The following COL5A3 variants were observed in gnomAD, a reference collection of about 807,000 sequenced individuals.
COL5A3 encodes collagen alpha-3(V) chain.
In COL5A3, 172 loss-of-function variants were observed where a neutral mutation model predicts 250.0. That is an observed-to-expected ratio of 0.69 (90% CI 0.61 to 0.78). The LOEUF is 0.78. COL5A3 is among the 30% of genes least tolerant of loss of function. The pLI is 0.00. For missense variants in COL5A3, 2,340 were observed against 2,334.4 expected (o/e 1.00, Z -0.05); for synonymous variants, 937 against 900.4 (o/e 1.04, Z -0.73).
At chr19:10,002,676 G>A (rs115807597) in intron 6 of COL5A3, among the ~76,000 whole-genome samples, 3,241 of 151,952 alleles carry the variant, frequency 0.021, 59 homozygotes, top group East Asian at 0.07. Context: ...AACCCCCATC[G>A]GTGACCCCTA....
At chr19:9,988,901 A>G (rs10417972) in intron 27 of COL5A3, among the ~76,000 whole-genome samples, 61,407 of 148,322 alleles carry the variant, frequency 0.41, 14,043 homozygotes, top group African/African-American at 0.6. Context: ...GAGAAAAGAA[A>G]GAAATGTGTT....
chr19:9,986,363 C>T lies in COL5A3; in HGVS notation c.2304G>A (p.Gln768=). The T allele has an allele frequency of 6.2e-7, 1 of 1,604,040 alleles. No individual in the cohort carries two copies. The highest frequency in any genetic ancestry group is 8.5e-7 in the Non-Finnish European group (1 of 1,178,082). The change falls in exon 30 of 67, where the codon CAG becomes CAA. Residue 768 remains glutamine (Q), a synonymous_variant. Transcript: ENST00000264828. ...GEDGPEGPKG[Q]AGQAGEEGPP... is the part of the protein sequence containing the mutation. ...GCCCCTCCTCGCCAGCCTGCCCCGC[C>T]TGCCCCTTCGGCCCCTCAGGACCAT...
At chr19:9,988,273 C>T (rs1468512338) in intron 27 of COL5A3, among the ~76,000 whole-genome samples, 1 of 152,124 alleles carries the variant, frequency 6.6e-6, no homozygotes, top group African/African-American at 2.4e-5. Flanking sequence ...TGTAATTATG[C>T]TTGGCTACAA....
intron 6 of COL5A3, among the ~76,000 whole-genome samples, chr19:10,003,119 C>A (rs866981785): frequency 6.6e-6 from 1 of 152,164 alleles, no homozygotes. Context: ...CAATTAATGA[C>A]TCTCCCAATG....
chr19:9,979,348 T>A lies in COL5A3; in HGVS notation c.2766+16A>T. The A allele has an allele frequency of 6.2e-7, 1 of 1,614,014 alleles. No individual in the cohort carries two copies. The stretch of plus-strand genomic sequence containing the variant: ...ACTGGTACAAAACAAGGGAGGTTTA[T>A]GGAGTCCACTCTGACCTGAGGGCCT... On this transcript the variant is annotated intron_variant, in intron 38 of 66. Coordinates refer to ENST00000264828, the MANE Select transcript of COL5A3 (RefSeq NM_015719.4).
intron 31 of COL5A3, among the ~76,000 whole-genome samples, chr19:9,983,590 A>G (rs1372231805): frequency 1.5e-4 from 11 of 75,568 alleles, no homozygotes; most frequent in South Asian, 4.4e-4. Context: ...GAAAGAAAGA[A>G]AGAAAGAAAG....
In COL5A3 at chr19:9,986,710, T is replaced by A; in HGVS notation, c.2190+4A>T. The A allele has an allele frequency of 1.2e-6, 2 of 1,613,342 alleles. No homozygotes were observed. The highest frequency in any genetic ancestry group is 1.7e-6 in the Non-Finnish European group (2 of 1,179,898). ...CTCCTCTGATGAGTTCCTTCTCTCC[T>A]CACCTTCTCGCCTTTCTCCCCCTGG... On this transcript the variant is annotated splice_donor_region_variant and intron_variant, in intron 28 of 66. Transcript: ENST00000264828.
At chr19:10,005,227 C>T (rs1002939670) in intron 4 of COL5A3, among the ~76,000 whole-genome samples, 8 of 152,002 alleles carry the variant, frequency 5.3e-5, no homozygotes, top group African/African-American at 1.7e-4. Flanking sequence ...CGTGGTGGCA[C>T]ACACCTGTAA....
chr19:10,009,604 C>T lies in COL5A3; in HGVS notation c.88+694G>A, dbSNP rs1024906244. ...TGGTGCTGATCGCGGCTCTGGGGAC[C>T]GCGGGGTGGGGGAGGGGGCAACAGG... On this transcript the variant is annotated intron_variant, in intron 1 of 66. Coordinates refer to ENST00000264828, the MANE Select transcript of COL5A3 (RefSeq NM_015719.4). The surrounding 1 kb of genome is among the most constrained non-coding windows in gnomAD (Gnocchi z 4.4). Among the ~76,000 whole-genome samples the T allele has an allele frequency of 6.6e-6, 1 of 151,840 alleles. No individual in the cohort carries two copies. Among genetic ancestry groups the T allele is most frequent in the Non-Finnish European group, 1.5e-5 (1 of 67,958 alleles).
intron 6 of COL5A3, among the ~76,000 whole-genome samples, chr19:10,003,235 C>A (rs1293896606): frequency 6.6e-6 from 1 of 152,172 alleles, no homozygotes; most frequent in African/African-American, 2.4e-5. Flanking sequence ...AACAGTAGCC[C>A]TCATCAAGAA....
intron 64 of COL5A3, among the ~76,000 whole-genome samples, chr19:9,966,078 C>T (rs2086740974): frequency 6.6e-6 from 1 of 152,198 alleles, no homozygotes; most frequent in African/African-American, 2.4e-5. Flanking sequence ...GCGATCCTCC[C>T]GCCTCAGCCT....
chr19:9,973,966 G>T lies in COL5A3; in HGVS notation c.3511C>A (p.His1171Asn). ...EVGDVGSMGP[H>N]GAPGPRGPQG... Reference sequence around the variant, plus strand: ...GGACCCCGAGGACCTGGAGCTCCATGGGGACCCTGTGGAAGGTCAGAATTA... The same window carrying T: ...GGACCCCGAGGACCTGGAGCTCCATTGGGACCCTGTGGAAGGTCAGAATTA... The change falls in exon 48 of 67, where the codon CAT (histidine) becomes AAT (asparagine). Residue 1171 changes from histidine (H) to asparagine (N), a missense_variant. His to Asn is a moderately conservative substitution (Grantham distance 68). Coordinates refer to ENST00000264828, the MANE Select transcript of COL5A3 (RefSeq NM_015719.4). 6.5e-7 allele frequency: 1 copy of T among 1,539,708 alleles called. No homozygotes were observed.
chr19:9,984,135 T>C (rs993918283), intron 31 of COL5A3, among the ~76,000 whole-genome samples: 9 of 152,044 alleles, frequency 5.9e-5, no homozygotes, highest in African/African-American at 2.2e-4. Flanking sequence ...GCAATTCTCC[T>C]GCCTCAGCCT....
chr19:9,971,193 G>T lies in COL5A3; in HGVS notation c.3828+12C>A. On this transcript the variant is annotated intron_variant, in intron 52 of 66. Transcript: ENST00000264828. ...GGAAATATGCCAGGATTGGGGAGGG[G>T]GTCACACTCACTGAAACTCCAGGGT... 2.6e-6 allele frequency: 4 copies of T among 1,559,718 alleles called. No individual in the cohort carries two copies. Among genetic ancestry groups the T allele is most frequent in the Non-Finnish European group, 3.4e-6 (4 of 1,159,590 alleles).
intron 61 of COL5A3, 77 bp from the exon 62 acceptor site, chr19:9,967,477 A>ACACT: frequency 1.1e-6 from 1 of 897,678 alleles, no homozygotes; most frequent in Non-Finnish European, 1.7e-6. Flanking sequence ...AAACACACAC[A>ACACT]CACACTCACA....
At chr19:9,966,833 G>A in intron 62 of COL5A3, 87 bp from the exon 63 acceptor site, 2 of 1,023,694 alleles carry the variant, frequency 2.0e-6, no homozygotes, top group Non-Finnish European at 2.8e-6. Flanking sequence ...AGATGAAGAG[G>A]CAGACAGACA....
Position 9,989,134 on chromosome 19 carries a change from C to T in COL5A3, c.2135G>A (p.Arg712Gln), listed in dbSNP as rs777980646. Residue 712 changes from arginine to glutamine, a missense_variant, in exon 27 of 67, where the codon CGG (arginine) becomes CAG (glutamine). Coordinates refer to ENST00000264828, the MANE Select transcript of COL5A3 (RefSeq NM_015719.4). ...SAGPPGYPGP[R>Q]GVKGTSGNRG... ...AAGCGTATCACCTACCTTCACTCCCCGAGGTCCAGGATAGCCCGGAGGGCC... is the reference window on the plus strand; with the variant it reads ...AAGCGTATCACCTACCTTCACTCCCTGAGGTCCAGGATAGCCCGGAGGGCC... 5.6e-6 allele frequency: 9 copies of T among 1,614,092 alleles called. No homozygotes were observed. Among genetic ancestry groups the T allele is most frequent in the African/African-American group, 2.7e-5 (2 of 74,938 alleles).
chr19:9,971,103 A>G, intron 52 of COL5A3, 75 bp from the exon 53 acceptor site: 1 of 1,434,822 alleles, frequency 7.0e-7, no homozygotes, highest in Non-Finnish European at 9.3e-7. Context: ...GGGAGGCAAA[A>G]GAACGTTTTT....
At position 9,992,836 on chromosome 19, in the gene COL5A3, C is replaced by T. The variant is rs538680453; in HGVS notation, c.1839G>A (p.Thr613=). Reference sequence around the variant, plus strand: ...AGCCAGTGACACTCACCGGGCGACCCGTGGGGCCAGGAGAGCCTCTGGGGC... The same window carrying T: ...AGCCAGTGACACTCACCGGGCGACCTGTGGGGCCAGGAGAGCCTCTGGGGC... ...LLGPRGSPGP[T]GRPGVTGIDG... Residue 613 remains threonine (T), a synonymous_variant, in exon 21 of 67, where the codon ACG becomes ACA. Coordinates refer to ENST00000264828, the MANE Select transcript of COL5A3 (RefSeq NM_015719.4). 22 of 1,614,030 alleles carry T rather than the reference C, an allele frequency of 1.4e-5. No individual in the cohort carries two copies. The East Asian group carries it at 2.2e-4, about 16-fold the overall frequency.
Sources: allele counts gnomAD v4.1 joint callset (sites outside exome capture counted in the v4.1 genomes callset), GRCh38; gene constraint gnomAD v4.1.1; non-coding constraint Gnocchi (gnomAD v3.1); transcripts MANE v1.5; gene names NCBI Gene and HGNC (gene_info 2026-07-23, HGNC 2026-07-21).